Variants in DNAH8 observed in about 807,000 individuals in gnomAD.
The protein encoded by DNAH8 is dynein axonemal heavy chain 8, also known as axonemal beta dynein heavy chain 8.
In DNAH8, 382 loss-of-function variants were observed where a neutral mutation model predicts 562.1. The ratio of observed to expected loss-of-function variants is 0.68; its 90% CI spans 0.63 to 0.74. DNAH8 has a LOEUF of 0.74. DNAH8 is among the 30% of genes least tolerant of loss of function. DNAH8 has a pLI of 0.00. For synonymous variants in DNAH8, 1,881 were observed against 1,919.4 expected, an observed-to-expected ratio of 0.98 and a Z score of 0.52; for missense variants, 5,203 against 5,620.4, an observed-to-expected ratio of 0.93 and a Z score of 2.37.
chr6:39,020,683 C>G (rs1243742354), intron 91 of DNAH8, among the ~76,000 whole-genome samples: 1 of 152,174 alleles, frequency 6.6e-6, no homozygotes. Context: ...CTTCCCCCAC[C>G]AATAGGCCTC....
intron 52 of DNAH8, 73 bp downstream of exon 52, chr6:38,873,449 C>A: frequency 7.4e-7 from 1 of 1,358,182 alleles, no homozygotes; most frequent in Admixed American, 2.5e-5. Context: ...TTACAGCCAT[C>A]TGAAATAGAA....
At chr6:38,926,873 C>T (rs1199029566) in intron 74 of DNAH8, among the ~76,000 whole-genome samples, 3 of 152,214 alleles carry the variant, frequency 2.0e-5, no homozygotes, top group African/African-American at 4.8e-5. Flanking sequence ...ACATCCACCA[C>T]TACCTCCATC....
chr6:38,930,422 A>G (rs751387442), intron 75 of DNAH8, among the ~76,000 whole-genome samples: 13,264 of 152,196 alleles, frequency 0.087, 783 homozygotes, highest in East Asian at 0.28. Context: ...TCATTAAATA[A>G]AGACAGATTT....
chr6:38,845,365 T>G (rs1775200060), intron 35 of DNAH8, among the ~76,000 whole-genome samples: 1 of 152,196 alleles, frequency 6.6e-6, no homozygotes, highest in Non-Finnish European at 1.5e-5. Flanking sequence ...AGAAAAATAA[T>G]TAGTAGTCGG....
At chr6:38,979,596 A>T (rs998383034) in intron 85 of DNAH8, among the ~76,000 whole-genome samples, 2 of 152,230 alleles carry the variant, frequency 1.3e-5, no homozygotes, top group Non-Finnish European at 1.5e-5. Context: ...AAGATGAGCT[A>T]ATCAGTTTAT....
chr6:38,736,308 AG>A (rs1402970236), intron 5 of DNAH8, among the ~76,000 whole-genome samples: 4 of 152,200 alleles, frequency 2.6e-5, no homozygotes, highest in Non-Finnish European at 5.9e-5. Flanking sequence ...ATCACAGATG[AG>A]CCATGTGGTG....
intron 18 of DNAH8, among the ~76,000 whole-genome samples, chr6:38,787,695 C>CAAA (rs67293877): frequency 2.3e-4 from 18 of 79,590 alleles, no homozygotes; most frequent in African/African-American, 4.8e-4. Context: ...GACTCCATCT[C>CAAA]AAAAAAAAAA....
intron 91 of DNAH8, among the ~76,000 whole-genome samples, chr6:39,022,904 G>GTT (rs960570992): frequency 6.6e-6 from 1 of 152,196 alleles, no homozygotes; most frequent in Non-Finnish European, 1.5e-5. Context: ...AAACTTGTGA[G>GTT]TTTTTTAAAA....
intron 8 of DNAH8, among the ~76,000 whole-genome samples, chr6:38,749,598 T>C (rs1765251841): frequency 6.6e-6 from 1 of 152,142 alleles, no homozygotes; most frequent in African/African-American, 2.4e-5. Flanking sequence ...TTGCTCATCT[T>C]TGAATAAAAG....
At chr6:39,020,979 ATG>A (rs534716684) in intron 91 of DNAH8, among the ~76,000 whole-genome samples, 62 of 151,732 alleles carry the variant, frequency 4.1e-4, no homozygotes, top group Non-Finnish European at 6.6e-4. Flanking sequence ...CAATAAACAT[ATG>A]TGTGCATGTG....
rs879318407 is a variant in DNAH8 at position 38,798,192 on chromosome 6, G to A, written c.2902-4987G>A. On this transcript the variant is annotated intron_variant, in intron 21 of 92. Transcript: ENST00000327475. ...TGGGTATAGGGATGCTTTCTGAGGT[G>A]ATGAGAATATTATGGAATTAGATAG... 9.2e-5 allele frequency among the ~76,000 whole-genome samples: 14 copies of A among 152,178 alleles called. 1 individual carries two copies. The highest frequency in any genetic ancestry group is 6.5e-5 in the Admixed American group (1 of 15,280).
intron 91 of DNAH8, among the ~76,000 whole-genome samples, chr6:39,014,544 C>T (rs979475788): frequency 6.6e-6 from 1 of 152,200 alleles, no homozygotes; most frequent in Non-Finnish European, 1.5e-5. Flanking sequence ...GACACATCAG[C>T]AACCTTAATG....
Position 38,775,950 on chromosome 6 carries a change from A to G in DNAH8, c.1961A>G (p.Glu654Gly). 3 of 1,600,198 alleles carry G rather than the reference A, an allele frequency of 1.9e-6. No individual in the cohort carries two copies. Among genetic ancestry groups the G allele is most frequent in the Non-Finnish European group, 2.6e-6 (3 of 1,168,426 alleles). The change falls in exon 13 of 93, where the codon GAG (glutamate) becomes GGG (glycine). Residue 654 changes from glutamate to glycine, a missense_variant and splice_region_variant. Glu to Gly is a moderately conservative substitution (Grantham distance 98). Coordinates refer to ENST00000327475, the MANE Select transcript of DNAH8 (RefSeq NM_001206927.2). ...LDFMTKINGLEVQIQAFMNSS... is the reference protein window; with the variant it reads ...LDFMTKINGLGVQIQAFMNSS... ...TTCATGACAAAAATCAATGGTTTAG[A>G]GGTAAGTAATTATACCTACTTTTAC...
chr6:38,996,928 C>A (rs548725137), intron 88 of DNAH8, among the ~76,000 whole-genome samples: 1 of 152,048 alleles, frequency 6.6e-6, no homozygotes, highest in East Asian at 1.9e-4. Context: ...CAACCTTTCA[C>A]CACACTAGTG....
chr6:38,823,453 A>G lies in DNAH8; in HGVS notation c.3721-109A>G, dbSNP rs933067089. On this transcript the variant is annotated intron_variant, in intron 27 of 92. Transcript: ENST00000327475. ...TATTTCTTACCCAGCCACTGGCCCCATTGCACACACAAGTGTAAATGTGTA... is the reference window on the plus strand; with the variant it reads ...TATTTCTTACCCAGCCACTGGCCCCGTTGCACACACAAGTGTAAATGTGTA... The G allele has an allele frequency of 4.1e-5, 33 of 803,158 alleles. 1 individual carries two copies. In the South Asian group the frequency reaches 5.7e-4, roughly 14 times the overall value. 49.8% of individuals were successfully genotyped at this position (803,158 alleles called of 1,614,324 possible).
Position 38,779,347 on chromosome 6 carries a change from C to T in DNAH8, c.2040-619C>T, listed in dbSNP as rs1461520636. Among the ~76,000 whole-genome samples, 4 of 152,098 alleles carry T rather than the reference C, an allele frequency of 2.6e-5. 1 individual carries two copies. The highest frequency in any genetic ancestry group is 2.1e-4 in the South Asian group (1 of 4,828). Reference sequence around the variant, plus strand: ...CAGATGGCAGGTACCATTTTCTTGGCGACTTCTGTCTCTGTCTCTCTATTT... The same window carrying T: ...CAGATGGCAGGTACCATTTTCTTGGTGACTTCTGTCTCTGTCTCTCTATTT... On this transcript the variant is annotated intron_variant, in intron 14 of 92. Transcript: ENST00000327475.
At chr6:38,908,443 A>G (rs1780643646) in intron 64 of DNAH8, among the ~76,000 whole-genome samples, 1 of 152,202 alleles carries the variant, frequency 6.6e-6, no homozygotes, top group Non-Finnish European at 1.5e-5. Context: ...CTTTACTATA[A>G]TGTCTCTGAT....
intron 91 of DNAH8, among the ~76,000 whole-genome samples, chr6:39,022,218 G>GT (rs370715095): frequency 4.4e-4 from 67 of 151,532 alleles, no homozygotes; most frequent in African/African-American, 1.1e-3. Context: ...TTCATTAAGT[G>GT]TTTTTTTTTC....
Position 38,792,567 on chromosome 6 carries a change from C to T in DNAH8, c.2901+893C>T, listed in dbSNP as rs575378067. The stretch of plus-strand genomic sequence containing the variant: ...TGCCATCAAATCTGATTGTGAAATG[C>T]CCCAGCTTAAATCCTTCTTGGCAGT... On this transcript the variant is annotated intron_variant, in intron 21 of 92. Transcript: ENST00000327475. 1.8e-4 allele frequency among the ~76,000 whole-genome samples: 27 copies of T among 152,252 alleles called. 1 individual carries two copies. The highest frequency in any genetic ancestry group is 1.7e-3 in the Admixed American group (26 of 15,294).
Sources: gnomAD v4.1 joint callset for allele counts (sites outside exome capture counted in the v4.1 genomes callset) on GRCh38, gnomAD v4.1.1 for gene constraint, MANE v1.5 for transcripts, NCBI Gene and HGNC (gene_info 2026-07-23, HGNC 2026-07-21) for gene names.